The following NBAS variants were observed in gnomAD, a reference collection of about 807,000 sequenced individuals.
The protein encoded by NBAS is NBAS subunit of NRZ tethering complex, also known as NAG/BC035112 fusion.
NBAS carries 219 observed loss-of-function variants against 302.5 expected under a neutral mutation model. That is an observed-to-expected ratio of 0.72 (90% confidence interval 0.65 to 0.81). The LOEUF (loss-of-function observed/expected upper bound fraction) is 0.81. NBAS is among the 30% of genes least tolerant of loss of function. The pLI, the probability that NBAS is intolerant of heterozygous loss-of-function variation, is 0.00. For missense variants in NBAS, 2,932 were observed against 2,841.6 expected (o/e 1.03, Z -0.72); for synonymous variants, 1,118 against 1,021.6 (o/e 1.09, Z -1.80).
intron 45 of NBAS, among the ~76,000 whole-genome samples, chr2:15,235,476 GAT>G (rs1210549524): frequency 6.6e-6 from 1 of 152,166 alleles, no homozygotes; most frequent in Non-Finnish European, 1.5e-5. Context: ...GTCACTTAAT[GAT>G]AATAACAGTT....
chr2:15,133,327 G>T, the NBAS span, among the ~76,000 whole-genome samples: 290 of 152,178 alleles, frequency 1.9e-3, no homozygotes, highest in East Asian at 9.1e-3. Flanking sequence ...TAGCGGGGGG[G>T]GGGCAGGGAA....
the NBAS span, among the ~76,000 whole-genome samples, chr2:15,011,141 T>A: frequency 6.6e-6 from 1 of 152,202 alleles, no homozygotes; most frequent in Non-Finnish European, 1.5e-5. Flanking sequence ...TTTCTCTTCC[T>A]TTCTTAATAA....
chr2:15,521,295 AG>A (rs1662657652), intron 9 of NBAS, among the ~76,000 whole-genome samples: 1 of 152,222 alleles, frequency 6.6e-6, no homozygotes, highest in Admixed American at 6.5e-5. Flanking sequence ...ATGTGACCAA[AG>A]AAACACTGGT....
the NBAS span, among the ~76,000 whole-genome samples, chr2:14,863,326 G>A: frequency 6.6e-6 from 1 of 152,306 alleles, no homozygotes; most frequent in African/African-American, 2.4e-5. Flanking sequence ...AGAGAGTCAG[G>A]AAGGGAGATA....
chr2:14,995,776 C>G, the NBAS span, among the ~76,000 whole-genome samples: 1,907 of 152,220 alleles, frequency 0.013, 49 homozygotes, highest in African/African-American at 0.044. Flanking sequence ...AGTGGCTACT[C>G]ACAGGCATGA....
chr2:15,046,720 T>C, the NBAS span, among the ~76,000 whole-genome samples: 1 of 151,844 alleles, frequency 6.6e-6, no homozygotes, highest in Non-Finnish European at 1.5e-5. Context: ...GGAAAAAGAG[T>C]TATTCTGGCC....
chr2:15,409,950 C>G (rs907252593), intron 25 of NBAS, among the ~76,000 whole-genome samples: 1 of 152,166 alleles, frequency 6.6e-6, no homozygotes, highest in Non-Finnish European at 1.5e-5. Context: ...AGTTTTATCA[C>G]AGGTCACAGA....
chr2:14,866,509 TCTTA>T, the NBAS span, among the ~76,000 whole-genome samples: 1 of 152,078 alleles, frequency 6.6e-6, no homozygotes, highest in Non-Finnish European at 1.5e-5. Flanking sequence ...CTAGAATGTC[TCTTA>T]CTTAGTTTTT....
the NBAS span, among the ~76,000 whole-genome samples, chr2:14,795,261 C>A: frequency 6.6e-6 from 1 of 152,190 alleles, no homozygotes; most frequent in Admixed American, 6.5e-5. Flanking sequence ...TCTCTACAAA[C>A]ACCTAGTATC....
At chr2:14,976,127 A>G in the NBAS span, among the ~76,000 whole-genome samples, 1 of 152,378 alleles carries the variant, frequency 6.6e-6, no homozygotes, top group Non-Finnish European at 1.5e-5. Context: ...AGAGCTAAGA[A>G]GCAATGAAGT....
chr2:15,124,732 A>G, the NBAS span, among the ~76,000 whole-genome samples: 1 of 152,050 alleles, frequency 6.6e-6, no homozygotes, highest in South Asian at 2.1e-4. Flanking sequence ...TTGGACTGCG[A>G]CTCTGGAGGG....
intron 48 of NBAS, among the ~76,000 whole-genome samples, chr2:15,209,104 G>C (rs900557585): frequency 1.3e-5 from 2 of 151,988 alleles, no homozygotes; most frequent in Non-Finnish European, 2.9e-5. Flanking sequence ...AACCAAAGAT[G>C]AAAAAGGAGA....
chr2:15,007,083 G>A, the NBAS span, among the ~76,000 whole-genome samples: 1 of 152,184 alleles, frequency 6.6e-6, no homozygotes, highest in South Asian at 2.1e-4. Context: ...ATGATGCCAA[G>A]CAAGGACACA....
the NBAS span, among the ~76,000 whole-genome samples, chr2:15,038,080 A>AATAT: frequency 0.32 from 44,666 of 140,336 alleles, 8,259 homozygotes; most frequent in East Asian, 0.55. Flanking sequence ...ATAATTATAT[A>AATAT]ATATATATAT....
At chr2:15,541,644 G>C (rs940714236) in intron 6 of NBAS, among the ~76,000 whole-genome samples, 12 of 151,874 alleles carry the variant, frequency 7.9e-5, no homozygotes, top group African/African-American at 2.9e-4. Context: ...ACAAGATACT[G>C]CATACATTCT....
At chr2:14,956,217 C>T in the NBAS span, among the ~76,000 whole-genome samples, 2 of 152,338 alleles carry the variant, frequency 1.3e-5, no homozygotes, top group South Asian at 2.1e-4. Flanking sequence ...TCTGAGACCA[C>T]CTCTGCCTGG....
At chr2:15,357,518 C>T (rs1260301918) in intron 32 of NBAS, among the ~76,000 whole-genome samples, 2 of 152,094 alleles carry the variant, frequency 1.3e-5, no homozygotes, top group East Asian at 1.9e-4. Flanking sequence ...TGCAGAGTCT[C>T]GCTTACAATT....
intron 50 of NBAS, among the ~76,000 whole-genome samples, chr2:15,183,673 T>C (rs1459202863): frequency 6.6e-6 from 1 of 151,978 alleles, no homozygotes; most frequent in African/African-American, 2.4e-5. Context: ...ATGTGGCCCA[T>C]TCTGGAAGAG....
chr2:15,177,165 G>A lies in NBAS; in HGVS notation c.6840+1823C>T, dbSNP rs141983538. On this transcript the variant is annotated intron_variant, in intron 51 of 51. Coordinates refer to ENST00000281513, the MANE Select transcript of NBAS (RefSeq NM_015909.4). ...TCTGAAGGGCACAGACGTTTCGTGC[G>A]CTATCATCACAACCACAGGCAAACT... is the stretch of plus-strand genomic sequence containing the variant. 8.5e-3 allele frequency among the ~76,000 whole-genome samples: 1,287 copies of A among 152,280 alleles called. 40 individuals are homozygous for A. The highest frequency in any genetic ancestry group is 0.058 in the Admixed American group (890 of 15,286).
Sources: gnomAD v4.1 joint callset for allele counts (sites outside exome capture counted in the v4.1 genomes callset) on GRCh38, gnomAD v4.1.1 for gene constraint, MANE v1.5 for transcripts, NCBI Gene and HGNC (gene_info 2026-07-23, HGNC 2026-07-21) for gene names.